The following DMD variants were observed in gnomAD, a reference collection of about 807,000 sequenced individuals.
DMD encodes the protein dystrophin, also known as mutant dystrophin.
Under a neutral mutation model 330.1 loss-of-function variants are expected in DMD, and 63 were observed. The ratio of observed to expected loss-of-function variants is 0.19; its 90% CI spans 0.16 to 0.24. The LOEUF is 0.24. Among genes scored for constraint, DMD ranks in the 10% least tolerant of loss-of-function variants. The pLI is 1.00. For synonymous variants in DMD, 1,223 were observed against 959.8 expected (o/e 1.27, Z -5.07); for missense variants, 3,344 against 2,684.1 (o/e 1.25, Z -5.43).
At chrX:32,643,736 T>TC (rs1289589708) in intron 11 of DMD, among the ~76,000 whole-genome samples, 1 of 111,878 alleles carries the variant, frequency 8.9e-6, no homozygotes, top group East Asian at 2.8e-4. Context: ...TTTAATATTT[T>TC]CAAGGGCTTT....
chrX:32,940,376 T>G (rs2090323143), intron 2 of DMD, among the ~76,000 whole-genome samples: 1 of 111,778 alleles, frequency 8.9e-6, no homozygotes, highest in African/African-American at 3.3e-5. Context: ...AAACATCCCA[T>G]TATACATCTT....
At chrX:32,364,895 T>C in intron 35 of DMD, 125 bp downstream of exon 35, 3 of 791,782 alleles carry the variant, frequency 3.8e-6, no homozygotes, top group East Asian at 6.9e-5. Flanking sequence ...GTTATAGATA[T>C]TGAATTAAGA....
chrX:32,678,655 T>A (rs1186013169), intron 9 of DMD, among the ~76,000 whole-genome samples: 1 of 111,336 alleles, frequency 9.0e-6, no homozygotes, highest in Non-Finnish European at 1.9e-5. Flanking sequence ...ATGTGATCCC[T>A]TCTCTACTCC....
chrX:31,944,483 T>C (rs2095056229), intron 45 of DMD, among the ~76,000 whole-genome samples: 1 of 106,976 alleles, frequency 9.3e-6, no homozygotes, highest in Admixed American at 9.9e-5. Flanking sequence ...ATTACCACTT[T>C]TTTTTTTTTT....
At chrX:32,692,547 A>G (rs2063353580) in intron 9 of DMD, among the ~76,000 whole-genome samples, 1 of 111,800 alleles carries the variant, frequency 8.9e-6, no homozygotes, top group Non-Finnish European at 1.9e-5. Context: ...TCCCCTCCCA[A>G]CACAGGATTG....
intron 52 of DMD, among the ~76,000 whole-genome samples, chrX:31,721,696 CTCTCTCTCTCTCTCTCTCTCTCTA>C (rs1569292727): frequency 2.1e-4 from 14 of 65,970 alleles, no homozygotes; most frequent in African/African-American, 9.9e-4. Context: ...CTCTCTCTCT[CTCTCTCTCTCTCTCTCTCTCTCTA>C]TATATATATA....
intron 52 of DMD, among the ~76,000 whole-genome samples, chrX:31,691,114 T>C (rs982832552): frequency 9.1e-6 from 1 of 110,051 alleles, no homozygotes; most frequent in Non-Finnish European, 1.9e-5. Context: ...ACTTAAAGTA[T>C]AATTAAAAAA....
chrX:32,392,300 C>T (rs2098008909), intron 30 of DMD, among the ~76,000 whole-genome samples: 1 of 111,345 alleles, frequency 9.0e-6, no homozygotes, highest in Non-Finnish European at 1.9e-5. Flanking sequence ...GCTCTGTCAC[C>T]CAGGCTGGAA....
chrX:31,218,327 T>G lies in DMD; in HGVS notation c.9361+4720A>C, dbSNP rs767977953. On this transcript the variant is annotated intron_variant, in intron 64 of 78. Transcript: ENST00000357033. ...GCACTTCATGATAACCAGTGCCTAA[T>G]TACTCCTTTATTAAAGGAAAGCAGT... 4.0e-4 allele frequency among the ~76,000 whole-genome samples: 44 copies of G among 109,623 alleles called. 1 individual carries two copies. Among genetic ancestry groups the G allele is most frequent in the Admixed American group, 3.5e-3 (36 of 10,297 alleles).
rs182007637 is a variant in DMD at position 31,263,761 on chromosome X, T to C, written c.9225-2745A>G. On this transcript the variant is annotated intron_variant, in intron 62 of 78. Transcript: ENST00000357033. ...TTAGATTTCACCTTTGCAGTCTTAGTTTCACTTCAATTGCAAATCAGTTCT... is the reference window on the plus strand; with the variant it reads ...TTAGATTTCACCTTTGCAGTCTTAGCTTCACTTCAATTGCAAATCAGTTCT... 2.3e-3 allele frequency among the ~76,000 whole-genome samples: 257 copies of C among 112,758 alleles called. 2 individuals carry two copies. Among genetic ancestry groups the C allele is most frequent in the African/African-American group, 7.8e-3 (242 of 31,083 alleles).
chrX:32,069,682 C>A (rs1218463622), intron 44 of DMD, among the ~76,000 whole-genome samples: 3 of 111,359 alleles, frequency 2.7e-5, no homozygotes, highest in Non-Finnish European at 5.7e-5. Context: ...TTTATTTCAC[C>A]AAATTAGGCT....
chrX:32,715,467 A>C (rs2065607924), intron 7 of DMD, among the ~76,000 whole-genome samples: 1 of 75,785 alleles, frequency 1.3e-5, no homozygotes, highest in East Asian at 3.8e-4. Context: ...CAGAGATTCC[A>C]TCAAAAAAAA....
chrX:32,661,954 A>C (rs1180918196), intron 9 of DMD, among the ~76,000 whole-genome samples: 2 of 111,678 alleles, frequency 1.8e-5, no homozygotes, highest in Admixed American at 9.5e-5. Flanking sequence ...CAAAACTTAA[A>C]ACACACCCAT....
chrX:31,431,561 C>T (rs1242857473), intron 60 of DMD, among the ~76,000 whole-genome samples: 2 of 110,468 alleles, frequency 1.8e-5, no homozygotes, highest in African/African-American at 3.3e-5. Context: ...CCACGCCCAG[C>T]TAATTTTGTA....
chrX:32,830,823 C>G (rs1044823139), intron 4 of DMD, among the ~76,000 whole-genome samples: 4 of 110,874 alleles, frequency 3.6e-5, no homozygotes, highest in African/African-American at 1.3e-4. Context: ...CCATGGTTTG[C>G]TTTGACATAA....
intron 4 of DMD, among the ~76,000 whole-genome samples, chrX:32,835,511 T>A (rs1463946829): frequency 1.8e-5 from 2 of 112,783 alleles, no homozygotes; most frequent in Admixed American, 1.9e-4. Flanking sequence ...AGAAGTACTT[T>A]CTTCTCAATA....
At chrX:32,415,207 C>T (rs900148635) in intron 29 of DMD, among the ~76,000 whole-genome samples, 11 of 112,124 alleles carry the variant, frequency 9.8e-5, no homozygotes, top group Non-Finnish European at 1.7e-4. Context: ...TATAGAATAA[C>T]ATTAAACCAC....
chrX:31,444,702 C>A (rs1284692157), intron 59 of DMD, 75 bp from the exon 60 acceptor site: 5 of 1,075,694 alleles, frequency 4.6e-6, no homozygotes, highest in Non-Finnish European at 6.4e-6. Context: ...TGGGCTTATT[C>A]TCTTTAGGGT....
At chrX:33,201,525 C>T (rs1352267246) in intron 1 of DMD, among the ~76,000 whole-genome samples, 1 of 111,267 alleles carries the variant, frequency 9.0e-6, no homozygotes, top group Non-Finnish European at 1.9e-5. Context: ...TCATTTACCT[C>T]ATAGCATAAT....
Sources: allele counts gnomAD v4.1 joint callset (sites outside exome capture counted in the v4.1 genomes callset), GRCh38; gene constraint gnomAD v4.1.1; transcripts MANE v1.5; gene names NCBI Gene and HGNC (gene_info 2026-07-23, HGNC 2026-07-21).